The following ANXA2 variants were observed in gnomAD, a reference collection of about 807,000 sequenced individuals.
ANXA2 encodes annexin II.
Under a neutral mutation model 47.3 loss-of-function variants are expected in ANXA2, and 28 were observed. That is an observed-to-expected ratio of 0.59 (90% confidence interval 0.44 to 0.81). The LOEUF is 0.81. Ranked by LOEUF, ANXA2 falls within the 40% of genes least tolerant of loss-of-function variation. The pLI is 0.00. For missense variants in ANXA2, 384 were observed against 414.3 expected, an observed-to-expected ratio of 0.93 and a Z score of 0.64; for synonymous variants, 172 against 155.5, an observed-to-expected ratio of 1.11 and a Z score of -0.79.
intron 8 of ANXA2, among the ~76,000 whole-genome samples, chr15:60,353,097 C>A (rs2062374051): frequency 6.6e-6 from 1 of 152,170 alleles, no homozygotes; most frequent in Non-Finnish European, 1.5e-5. Context: ...ATTTAAAACC[C>A]TTCTCTACTA....
In ANXA2 at chr15:60,349,092, G is replaced by C. The variant is rs201149115; in HGVS notation, c.943C>G (p.Leu315Val). Residue 315 changes from leucine to valine, a missense_variant, in exon 12 of 13, where the codon CTG becomes GTG. Leu to Val is a conservative substitution (Grantham distance 32). Transcript: ENST00000451270. ...SEFKRKYGKS[L>V]YYYIQQDTKG... ...GGGCTTACCTGGATATAATAGTACAGGGACTTGCCGTACTTTCTCTTGAAT... is the reference window on the plus strand; with the variant it reads ...GGGCTTACCTGGATATAATAGTACACGGACTTGCCGTACTTTCTCTTGAAT... The C allele has an allele frequency of 2.1e-5, 34 of 1,614,068 alleles. No individual in the cohort carries two copies. The highest frequency in any genetic ancestry group is 2.7e-5 in the Non-Finnish European group (32 of 1,179,994).
intron 6 of ANXA2, 128 bp downstream of exon 6, chr15:60,357,018 G>T: frequency 1.3e-6 from 1 of 755,164 alleles, no homozygotes. Context: ...TGCCTGCATA[G>T]TCAAGGTGGC....
intron 7 of ANXA2, chr15:60,355,325 T>C (rs1397475523): frequency 6.1e-6 from 1 of 163,146 alleles, no homozygotes; most frequent in Non-Finnish European, 1.3e-5. Flanking sequence ...GTAATGGAGA[T>C]GTGAGTGGGC....
intron 1 of ANXA2, chr15:60,396,378 C>G (rs1265863481): frequency 2.0e-5 from 3 of 152,120 alleles, no homozygotes; most frequent in Non-Finnish European, 4.4e-5. Flanking sequence ...GTAACTGGAC[C>G]GGCCTGGATG....
At chr15:60,366,083 G>A (rs1160554721) in intron 3 of ANXA2, among the ~76,000 whole-genome samples, 7 of 128,080 alleles carry the variant, frequency 5.5e-5, no homozygotes, top group African/African-American at 1.2e-4. Flanking sequence ...GCTCCTAACC[G>A]CGAGTGATCC....
chr15:60,366,546 G>T (rs1489513409), intron 3 of ANXA2, among the ~76,000 whole-genome samples: 2 of 149,326 alleles, frequency 1.3e-5, no homozygotes, highest in Non-Finnish European at 3.0e-5. Context: ...CTCCGTCTGA[G>T]AAGTGAGGAA....
At chr15:60,377,901 A>G (rs757722564) in intron 3 of ANXA2, among the ~76,000 whole-genome samples, 3 of 152,112 alleles carry the variant, frequency 2.0e-5, no homozygotes, top group Non-Finnish European at 4.4e-5. Context: ...GAGCCTGGCC[A>G]ACATGGTTAA....
intron 3 of ANXA2, among the ~76,000 whole-genome samples, chr15:60,366,746 C>A (rs1595680998): frequency 2.3e-5 from 3 of 128,118 alleles, no homozygotes; most frequent in Non-Finnish European, 3.4e-5. Context: ...CCGGCCGCCC[C>A]TACTGGGAAG....
intron 3 of ANXA2, among the ~76,000 whole-genome samples, chr15:60,375,393 G>C (rs551295839): frequency 1.1e-4 from 17 of 152,298 alleles, no homozygotes; most frequent in Middle Eastern, 3.4e-3. Flanking sequence ...CTCTGGGGTT[G>C]TGCTGCTGCT....
At chr15:60,397,856 C>T (rs1308431581) in intron 1 of ANXA2, 87 bp downstream of exon 1, 1 of 1,387,592 alleles carries the variant, frequency 7.2e-7, no homozygotes, top group Middle Eastern at 1.9e-4. Flanking sequence ...CCGGGGCCTC[C>T]CTGCCAGGCC....
chr15:60,369,249 T>G (rs999285576), intron 3 of ANXA2, among the ~76,000 whole-genome samples: 4 of 152,248 alleles, frequency 2.6e-5, no homozygotes, highest in Non-Finnish European at 5.9e-5. Context: ...GACGTGTGCC[T>G]GGGCTGCTGT....
At chr15:60,387,050 T>C (rs2062942667) in intron 1 of ANXA2, 1 of 152,252 alleles carries the variant, frequency 6.6e-6, no homozygotes, top group African/African-American at 2.4e-5. Context: ...TTCTCTTCAC[T>C]TTGTTTAGTC....
intron 10 of ANXA2, 28 bp from the exon 11 acceptor site, chr15:60,351,279 C>T (rs1420942853): frequency 1.9e-6 from 3 of 1,611,632 alleles, no homozygotes; most frequent in Non-Finnish European, 1.7e-6. Context: ...GGAGTCAGCG[C>T]TGCAGCTGCT....
intron 1 of ANXA2, among the ~76,000 whole-genome samples, chr15:60,393,951 A>G (rs1357025458): frequency 6.6e-6 from 1 of 151,744 alleles, no homozygotes; most frequent in East Asian, 1.9e-4. Context: ...TCCTTCCTCA[A>G]TTTTCTCTCT....
chr15:60,365,565 A>C (rs1003709662), intron 3 of ANXA2, among the ~76,000 whole-genome samples: 4 of 152,250 alleles, frequency 2.6e-5, no homozygotes, highest in African/African-American at 9.6e-5. Context: ...CTGAAGAAAC[A>C]GAAAGGTCAA....
rs566396858 is a variant in ANXA2 at position 60,347,414 on chromosome 15, T to G, written c.*216A>C. ...AAGTGTTTCACATCATAGACTTCACTTCCAACTCCTTGGAATGTTCATTTC... is the reference window on the plus strand; with the variant it reads ...AAGTGTTTCACATCATAGACTTCACGTCCAACTCCTTGGAATGTTCATTTC... On this transcript the variant is annotated 3_prime_UTR_variant, in exon 13 of 13. Coordinates refer to ENST00000451270, the MANE Select transcript of ANXA2 (RefSeq NM_004039.3). 1.7e-6 allele frequency: 1 copy of G among 598,876 alleles called. No homozygotes were observed. Among genetic ancestry groups the G allele is most frequent in the Non-Finnish European group, 3.0e-6 (1 of 336,624 alleles). 37.1% of individuals were successfully genotyped at this position (598,876 alleles called of 1,614,324 possible).
intron 1 of ANXA2, among the ~76,000 whole-genome samples, chr15:60,391,672 T>A (rs565161217): frequency 6.6e-6 from 1 of 152,208 alleles, no homozygotes; most frequent in East Asian, 1.9e-4. Context: ...TCAGTGTACT[T>A]ACTGTTTTGA....
intron 3 of ANXA2, among the ~76,000 whole-genome samples, chr15:60,372,320 G>C (rs2062721449): frequency 6.6e-6 from 1 of 152,130 alleles, no homozygotes; most frequent in Admixed American, 6.5e-5. Flanking sequence ...AGAAGGCAGA[G>C]ACTCACTCAA....
In ANXA2 at chr15:60,370,429, T is replaced by C. The variant is rs183261673; in HGVS notation, c.149-5906A>G. Among the ~76,000 whole-genome samples the C allele has an allele frequency of 3.3e-3, 505 of 152,334 alleles. 3 individuals are homozygous for C. Among genetic ancestry groups the C allele is most frequent in the African/African-American group, 0.012 (479 of 41,574 alleles). On this transcript the variant is annotated intron_variant, in intron 3 of 12. Coordinates refer to ENST00000451270, the MANE Select transcript of ANXA2 (RefSeq NM_004039.3). ...AAAGCCACTTAAGTCATGTCCTATA[T>C]TGTAATACCAAATACATGCATCTGC...
Sources: allele counts gnomAD v4.1 joint callset (sites outside exome capture counted in the v4.1 genomes callset), GRCh38; gene constraint gnomAD v4.1.1; transcripts MANE v1.5; gene names NCBI Gene and HGNC (gene_info 2026-07-23, HGNC 2026-07-21).